Variants in ACSL3 observed in about 807,000 individuals in gnomAD.
ACSL3 encodes acyl-CoA synthetase long chain family member 3.
ACSL3 carries 34 observed loss-of-function variants against 84.7 expected under a neutral mutation model. That is an observed-to-expected ratio of 0.40 (90% confidence interval 0.31 to 0.53). The LOEUF (loss-of-function observed/expected upper bound fraction) is 0.53, where lower values mean the gene tolerates loss of function less well. ACSL3 is among the 20% of genes least tolerant of loss of function. The pLI is 0.48. For synonymous variants in ACSL3, 315 were observed against 299.4 expected, an observed-to-expected ratio of 1.05 and a Z score of -0.54; for missense variants, 680 against 873.1, an observed-to-expected ratio of 0.78 and a Z score of 2.79.
intron 2 of ACSL3, among the ~76,000 whole-genome samples, chr2:222,900,148 CTTAAT>C (rs1165376360): frequency 6.6e-6 from 1 of 152,174 alleles, no homozygotes; most frequent in African/African-American, 2.4e-5. Flanking sequence ...TGTTACTTTA[CTTAAT>C]TTATCTAGAA....
intron 11 of ACSL3, among the ~76,000 whole-genome samples, chr2:222,925,668 A>C (rs1696860076): frequency 6.6e-6 from 1 of 152,238 alleles, no homozygotes; most frequent in South Asian, 2.1e-4. Flanking sequence ...ATGTCATTAA[A>C]AGTGTGTTTT....
Position 222,922,747 on chromosome 2 carries a change from T to C in ACSL3, c.996T>C (p.His332=), listed in dbSNP as rs755244315. ...DVYIGYLPLA[H]VLELSAELVC... is the part of the protein sequence containing the mutation. ...ACATTGGATATTTGCCTCTGGCCCA[T>C]GTTCTAGAATTAAGTGCTGAGCTTG... The change falls in exon 9 of 17, where the codon CAT becomes CAC. Residue 332 remains histidine (H), a synonymous_variant. Transcript: ENST00000357430. 68 of 1,614,052 alleles carry C rather than the reference T, an allele frequency of 4.2e-5. No individual in the cohort carries two copies. Among genetic ancestry groups the C allele is most frequent in the Non-Finnish European group, 5.0e-5 (59 of 1,179,998 alleles).
chr2:222,900,955 C>G (rs1696130919), intron 3 of ACSL3, among the ~76,000 whole-genome samples, 175 bp downstream of exon 3: 1 of 152,184 alleles, frequency 6.6e-6, no homozygotes, highest in Non-Finnish European at 1.5e-5. Context: ...CCCAGCCCTG[C>G]TCTTCTGGTT....
At chr2:222,918,838 A>G (rs1027723540) in intron 6 of ACSL3, among the ~76,000 whole-genome samples, 1 of 151,874 alleles carries the variant, frequency 6.6e-6, no homozygotes, top group African/African-American at 2.4e-5. Context: ...GGTTTTACCA[A>G]AGGCCAAGGG....
At chr2:222,939,270 A>AT (rs1456249578) in intron 16 of ACSL3, among the ~76,000 whole-genome samples, 1 of 152,188 alleles carries the variant, frequency 6.6e-6, no homozygotes, top group East Asian at 1.9e-4. Context: ...GACTTTGTCC[A>AT]GTCAGCCCTA....
At chr2:222,878,613 C>T (rs1695515435) in intron 1 of ACSL3, among the ~76,000 whole-genome samples, 1 of 152,140 alleles carries the variant, frequency 6.6e-6, no homozygotes, top group Non-Finnish European at 1.5e-5. Context: ...TGAATAGAGT[C>T]AATGATGACT....
At chr2:222,936,371 C>T (rs1375513991) in intron 16 of ACSL3, among the ~76,000 whole-genome samples, 1 of 152,086 alleles carries the variant, frequency 6.6e-6, no homozygotes. Context: ...ATTTACATTC[C>T]CACCAACGGT....
chr2:222,883,077 CT>C (rs931875911), intron 1 of ACSL3, among the ~76,000 whole-genome samples: 2 of 151,192 alleles, frequency 1.3e-5, no homozygotes, highest in African/African-American at 4.9e-5. Flanking sequence ...CCAAATCACA[CT>C]TTTTAATAGT....
intron 13 of ACSL3, among the ~76,000 whole-genome samples, chr2:222,929,997 C>T (rs1017990899): frequency 2.3e-5 from 3 of 131,020 alleles, no homozygotes; most frequent in East Asian, 2.4e-4. Flanking sequence ...TCAATGGTTT[C>T]GGCTCACTGC....
intron 1 of ACSL3, among the ~76,000 whole-genome samples, chr2:222,868,427 A>G (rs1411724047): frequency 6.6e-6 from 1 of 152,124 alleles, no homozygotes; most frequent in Non-Finnish European, 1.5e-5. Context: ...CATATTAGCT[A>G]TTTTTATTAG....
At chr2:222,924,983 G>A (rs1225025864) in intron 11 of ACSL3, among the ~76,000 whole-genome samples, 4 of 149,932 alleles carry the variant, frequency 2.7e-5, no homozygotes, top group African/African-American at 7.4e-5. Flanking sequence ...CCAAGATTGC[G>A]CCACTGCACG....
At position 222,908,738 on chromosome 2, in the gene ACSL3, C is replaced by A; in HGVS notation, c.-35C>A. On this transcript the variant is annotated 5_prime_UTR_variant, in exon 4 of 17. Transcript: ENST00000357430. ...TTTCTTTTTCTTCCTCCTAGATTCTCGCTGAAGTCTGTTAATTCTACTTTT... is the reference window on the plus strand; with the variant it reads ...TTTCTTTTTCTTCCTCCTAGATTCTAGCTGAAGTCTGTTAATTCTACTTTT... 1 of 1,543,138 alleles carries A rather than the reference C, an allele frequency of 6.5e-7. No homozygotes were observed. Among genetic ancestry groups the A allele is most frequent in the Non-Finnish European group, 8.7e-7 (1 of 1,153,094 alleles).
intron 4 of ACSL3, among the ~76,000 whole-genome samples, chr2:222,910,063 G>A (rs1388425676): frequency 6.6e-6 from 1 of 152,166 alleles, no homozygotes; most frequent in Non-Finnish European, 1.5e-5. Context: ...GTATATATCT[G>A]CAATGTGCTT....
intron 5 of ACSL3, 173 bp from the exon 6 acceptor site, chr2:222,917,873 G>A (rs556838338): frequency 4.9e-4 from 202 of 414,142 alleles, no homozygotes; most frequent in Middle Eastern, 2.5e-3. Flanking sequence ...GGATGAGTAG[G>A]TGTAATGTTG....
At chr2:222,872,813 C>T (rs1436400529) in intron 1 of ACSL3, among the ~76,000 whole-genome samples, 3 of 150,924 alleles carry the variant, frequency 2.0e-5, no homozygotes, top group East Asian at 1.9e-4. Flanking sequence ...GCAACTGGGC[C>T]GCTTTCTAGG....
At chr2:222,893,760 C>T (rs1311299057) in intron 2 of ACSL3, among the ~76,000 whole-genome samples, 1 of 151,854 alleles carries the variant, frequency 6.6e-6, no homozygotes, top group African/African-American at 2.4e-5. Context: ...CTCTCCTTCC[C>T]TTCCCACCTC....
chr2:222,933,975 T>G (rs920668921), intron 15 of ACSL3, among the ~76,000 whole-genome samples: 3 of 152,228 alleles, frequency 2.0e-5, no homozygotes, highest in African/African-American at 7.2e-5. Context: ...ATTCATGTGA[T>G]AGTAACCAGA....
chr2:222,909,229 C>T, intron 4 of ACSL3, 79 bp downstream of exon 4: 4 of 1,383,814 alleles, frequency 2.9e-6, no homozygotes, highest in Non-Finnish European at 4.0e-6. Context: ...CAAGCACAGC[C>T]TGCCTCCATT....
chr2:222,908,404 A>G (rs940059755), intron 3 of ACSL3, among the ~76,000 whole-genome samples: 15 of 152,164 alleles, frequency 9.9e-5, no homozygotes, highest in African/African-American at 3.6e-4. Context: ...GTGAGATGCT[A>G]AAGCACAGGA....
Sources: allele counts gnomAD v4.1 joint callset (sites outside exome capture counted in the v4.1 genomes callset), GRCh38; gene constraint gnomAD v4.1.1; transcripts MANE v1.5; gene names NCBI Gene and HGNC (gene_info 2026-07-23, HGNC 2026-07-21).